The following MACF1 variants were observed in gnomAD, a reference collection of about 807,000 sequenced individuals.
The protein encoded by MACF1 is microtubule actin crosslinking factor 1.
Under a neutral mutation model 854.8 loss-of-function variants are expected in MACF1, and 193 were observed. The ratio of observed to expected loss-of-function variants is 0.23; its 90% CI spans 0.20 to 0.25. The LOEUF (loss-of-function observed/expected upper bound fraction) is 0.25. MACF1 is among the 10% of genes least tolerant of loss of function. The probability of loss-of-function intolerance (pLI) is 1.00; values close to 1 mark genes in which losing one functional copy is unlikely to be tolerated. For synonymous variants in MACF1, 3,185 were observed against 3,226.7 expected, an observed-to-expected ratio of 0.99 and a Z score of 0.44; for missense variants, 7,722 against 8,929.1, an observed-to-expected ratio of 0.86 and a Z score of 5.45.
chr1:39,147,686 G>A (rs1237817030), intron 2 of MACF1, among the ~76,000 whole-genome samples: 2 of 151,946 alleles, frequency 1.3e-5, no homozygotes, highest in African/African-American at 2.4e-5. Context: ...GGCTGGTCTC[G>A]AACTCCTGGC....
intron 49 of MACF1, among the ~76,000 whole-genome samples, chr1:39,364,818 A>G (rs778660256): frequency 3.9e-5 from 6 of 152,166 alleles, no homozygotes; most frequent in South Asian, 2.1e-4. Context: ...TGTTCTACAT[A>G]GAAGATTTTA....
In MACF1 at chr1:39,452,904, T is replaced by C; in HGVS notation, c.20742+92T>C. 6 of 1,466,420 alleles carry C rather than the reference T, an allele frequency of 4.1e-6. No homozygotes were observed. The Admixed American group carries it at 5.9e-5, about 14-fold the overall frequency. The allele number at this position is 1,466,420 out of a possible 1,614,324, so 90.8% of individuals were successfully genotyped here. A position where few individuals can be genotyped will look rare whatever the true frequency, so the allele number is the denominator to read the frequency against. On this transcript the variant is annotated intron_variant, in intron 87 of 100. Coordinates refer to ENST00000564288, the MANE Select transcript of MACF1 (RefSeq NM_001394062.1). Reference sequence around the variant, plus strand: ...TGAAAGCAACTTTTTCTTGGAAATATCAGAGCTCACATGAAAAGGAACAAA... The same window carrying C: ...TGAAAGCAACTTTTTCTTGGAAATACCAGAGCTCACATGAAAAGGAACAAA...
chr1:39,300,225 C>T lies in MACF1; in HGVS notation c.2497C>T (p.Leu833Phe). 6.2e-7 allele frequency: 1 copy of T among 1,613,796 alleles called. No homozygotes were observed. Among genetic ancestry groups the T allele is most frequent in the Non-Finnish European group, 8.5e-7 (1 of 1,179,908 alleles). ...CATTTTGTAGGATGAAAAGGAGCAG[C>T]TTATACAGTCCAAGAGTTCCGTTGC... is the stretch of plus-strand genomic sequence containing the variant. Reference protein sequence around the residue: ...LQDSMDEKEQLIQSKSSVASL... With the variant: ...LQDSMDEKEQFIQSKSSVASL... The change falls in exon 22 of 101, where the codon CTT becomes TTT. Residue 833 changes from leucine to phenylalanine, a missense_variant. Physicochemically the swap from Leu to Phe is conservative, Grantham distance 22. Coordinates refer to ENST00000564288, the MANE Select transcript of MACF1 (RefSeq NM_001394062.1).
Position 39,447,736 on chromosome 1 carries a change from G to T in MACF1, c.19806G>T (p.Glu6602Asp), listed in dbSNP as rs760178289. 6.2e-7 allele frequency: 1 copy of T among 1,613,990 alleles called. No homozygotes were observed. Among genetic ancestry groups the T allele is most frequent in the Admixed American group, 1.7e-5 (1 of 59,992 alleles). Residue 6602 changes from glutamate (E) to aspartate (D), a missense_variant, in exon 82 of 101, where the codon GAG (glutamate) becomes GAT (aspartate). By Grantham distance (45) the Glu-to-Asp change is conservative. Coordinates refer to ENST00000564288, the MANE Select transcript of MACF1 (RefSeq NM_001394062.1). The part of the protein sequence containing the change: ...EVNAHRDQII[E>D]LDQTGNQLKF... ...ATGCTCATCGAGACCAGATCATTGA[G>T]CTGGATCAAACTGGGAATCAATTAA...
chr1:39,112,680 CA>C (rs11348708), intron 2 of MACF1, among the ~76,000 whole-genome samples: 24,353 of 151,106 alleles, frequency 0.16, 2,451 homozygotes, highest in Middle Eastern at 0.24. Flanking sequence ...GACTTTATTG[CA>C]AAAAAAAGAA....
intron 1 of MACF1, among the ~76,000 whole-genome samples, chr1:39,218,530 C>T (rs950815738): frequency 6.6e-6 from 1 of 152,064 alleles, no homozygotes; most frequent in African/African-American, 2.4e-5. Flanking sequence ...AAAACTCTCT[C>T]TTTGTATTTA....
At chr1:39,299,335 C>T (rs534038497) in intron 21 of MACF1, 23 of 455,256 alleles carry the variant, frequency 5.1e-5, no homozygotes, top group Admixed American at 4.5e-4. Flanking sequence ...ATTATTAACT[C>T]TTTACTCTCA....
intron 15 of MACF1, among the ~76,000 whole-genome samples, chr1:39,289,812 A>T (rs992572831): frequency 2.8e-5 from 4 of 141,660 alleles, no homozygotes; most frequent in African/African-American, 1.1e-4. Flanking sequence ...AGCAATTCTC[A>T]TGCCTCAGCC....
chr1:39,448,959 T>C (rs762264933), intron 84 of MACF1, among the ~76,000 whole-genome samples, 196 bp downstream of exon 84: 1 of 152,230 alleles, frequency 6.6e-6, no homozygotes, highest in Non-Finnish European at 1.5e-5. Context: ...TTGAACCTTA[T>C]TGTATTAGAG....
intron 58 of MACF1, among the ~76,000 whole-genome samples, chr1:39,421,574 T>G (rs2148635101): frequency 6.6e-6 from 1 of 152,356 alleles, no homozygotes; most frequent in South Asian, 2.1e-4. Flanking sequence ...TAATATGTTT[T>G]GACTAATTGA....
At chr1:39,461,718 G>A (rs1183262216) in intron 92 of MACF1, among the ~76,000 whole-genome samples, 165 bp from the exon 93 acceptor site, 1 of 150,698 alleles carries the variant, frequency 6.6e-6, no homozygotes, top group South Asian at 2.1e-4. Context: ...CTTGAACCAG[G>A]GAGACGGAAG....
intron 49 of MACF1, among the ~76,000 whole-genome samples, chr1:39,366,318 G>A (rs1020214561): frequency 6.6e-6 from 1 of 151,938 alleles, no homozygotes; most frequent in Non-Finnish European, 1.5e-5. Context: ...TGTTTTTCAG[G>A]AGTGTTTTTG....
Position 39,277,384 on chromosome 1 carries a change from A to G in MACF1, c.529-4824A>G, listed in dbSNP as rs1194370679. Among the ~76,000 whole-genome samples the G allele has an allele frequency of 3.3e-5, 5 of 152,232 alleles. No individual in the cohort carries two copies. The East Asian group carries it at 9.6e-4, about 29-fold the overall frequency. On this transcript the variant is annotated intron_variant, in intron 6 of 100. Coordinates refer to ENST00000564288, the MANE Select transcript of MACF1 (RefSeq NM_001394062.1). ...GAATAATACAGTTTTTTGAAATTAC[A>G]AAGGCAGAAAATACATTAATACTAA...
chr1:39,437,335 A>G (rs1006861812), intron 70 of MACF1, among the ~76,000 whole-genome samples: 8 of 150,992 alleles, frequency 5.3e-5, no homozygotes, highest in African/African-American at 2.0e-4. Context: ...CTTTTAGACA[A>G]AGTCTTACTC....
At chr1:39,430,965 C>T (rs1025718839) in intron 66 of MACF1, 57 bp downstream of exon 66, 5 of 1,447,672 alleles carry the variant, frequency 3.5e-6, no homozygotes, top group African/African-American at 2.8e-5. Context: ...GTGTGAGATA[C>T]AGTACTATGA....
At chr1:39,126,516 G>A (rs963395275) in intron 2 of MACF1, among the ~76,000 whole-genome samples, 1 of 152,136 alleles carries the variant, frequency 6.6e-6, no homozygotes, top group African/African-American at 2.4e-5. Flanking sequence ...GGCCGAGCAC[G>A]GTGGCTCATG....
chr1:39,308,861 G>A (rs1452879524), intron 23 of MACF1, among the ~76,000 whole-genome samples: 3 of 152,004 alleles, frequency 2.0e-5, no homozygotes, highest in Non-Finnish European at 4.4e-5. Context: ...TCTCCTTGTT[G>A]GTCAGGCTGG....
intron 58 of MACF1, chr1:39,411,565 A>G (rs1569948028): frequency 6.2e-7 from 1 of 1,613,934 alleles, no homozygotes. Flanking sequence ...GGTGGCAAAC[A>G]GAACTGCTCA....
intron 2 of MACF1, among the ~76,000 whole-genome samples, chr1:39,163,683 T>C (rs992224450): frequency 6.6e-6 from 1 of 152,176 alleles, no homozygotes; most frequent in African/African-American, 2.4e-5. Context: ...ACTTGGGACA[T>C]CCACTTAGTC....
Sources: gnomAD v4.1 joint callset for allele counts (sites outside exome capture counted in the v4.1 genomes callset) on GRCh38, gnomAD v4.1.1 for gene constraint, MANE v1.5 for transcripts, NCBI Gene and HGNC (gene_info 2026-07-23, HGNC 2026-07-21) for gene names.